The following CPXM2 variants were observed in gnomAD, a reference collection of about 807,000 sequenced individuals.
The protein encoded by CPXM2 is inactive carboxypeptidase-like protein X2.
Under a neutral mutation model 86.1 loss-of-function variants are expected in CPXM2, and 66 were observed. That is an observed-to-expected ratio of 0.77 (90% CI 0.63 to 0.94). The LOEUF (loss-of-function observed/expected upper bound fraction) is 0.94. Among genes scored for constraint, CPXM2 ranks in the 40% least tolerant of loss-of-function variants. CPXM2 has a pLI of 0.00. For synonymous variants in CPXM2, 388 were observed against 400.2 expected (o/e 0.97, Z 0.36); for missense variants, 948 against 1,026.3 (o/e 0.92, Z 1.04).
chr10:123,871,934 G>A (rs983841548), intron 2 of CPXM2, among the ~76,000 whole-genome samples: 1 of 152,144 alleles, frequency 6.6e-6, no homozygotes, highest in Non-Finnish European at 1.5e-5. Context: ...TCACAAATGA[G>A]GTTATCCTAA....
intron 8 of CPXM2, chr10:123,769,712 G>A (rs1564759830): frequency 6.6e-6 from 1 of 152,252 alleles, no homozygotes; most frequent in Non-Finnish European, 1.5e-5. Flanking sequence ...AGACAAGAAG[G>A]GGTCTTAAGA....
chr10:123,879,112 G>T (rs1376171550), intron 2 of CPXM2, among the ~76,000 whole-genome samples: 1 of 152,206 alleles, frequency 6.6e-6, no homozygotes, highest in Admixed American at 6.5e-5. Context: ...ACCACAGAAG[G>T]TCACTGTTGT....
At chr10:123,822,536 G>A (rs574363544) in intron 4 of CPXM2, among the ~76,000 whole-genome samples, 1 of 152,126 alleles carries the variant, frequency 6.6e-6, no homozygotes, top group South Asian at 2.1e-4. Flanking sequence ...AATCGGGGGT[G>A]AGGGCTAGCT....
At chr10:123,900,156 C>T (rs2134259965) in intron 2 of CPXM2, among the ~76,000 whole-genome samples, 1 of 152,300 alleles carries the variant, frequency 6.6e-6, no homozygotes, top group Non-Finnish European at 1.5e-5. Context: ...ATTCTCCTGC[C>T]TCAGCTTCCC....
At chr10:123,879,553 T>A (rs1336581575) in intron 2 of CPXM2, among the ~76,000 whole-genome samples, 1 of 152,184 alleles carries the variant, frequency 6.6e-6, no homozygotes, top group East Asian at 1.9e-4. Flanking sequence ...GGCTACTACA[T>A]AAGTGCTTAA....
At chr10:123,825,699 AAAG>A (rs1848031109) in intron 4 of CPXM2, among the ~76,000 whole-genome samples, 1 of 152,188 alleles carries the variant, frequency 6.6e-6, no homozygotes, top group Non-Finnish European at 1.5e-5. Flanking sequence ...TTTGTTAAAA[AAAG>A]AGTTCTCTAT....
intron 3 of CPXM2, among the ~76,000 whole-genome samples, chr10:123,844,558 A>T (rs1848458574): frequency 6.6e-6 from 1 of 152,194 alleles, no homozygotes; most frequent in South Asian, 2.1e-4. Flanking sequence ...TCTAAGGTCA[A>T]TCTAAGAGGA....
intron 9 of CPXM2, among the ~76,000 whole-genome samples, chr10:123,768,113 C>G (rs1213200418): frequency 1.3e-5 from 2 of 152,154 alleles, no homozygotes; most frequent in Non-Finnish European, 2.9e-5. Flanking sequence ...TGTGGCCAGG[C>G]ACGGTGGCTT....
At chr10:123,880,572 G>A (rs1269587490) in intron 1 of CPXM2, among the ~76,000 whole-genome samples, 1 of 152,128 alleles carries the variant, frequency 6.6e-6, no homozygotes, top group Non-Finnish European at 1.5e-5. Context: ...GATCACACCT[G>A]TAATCCCAGC....
intron 4 of CPXM2, among the ~76,000 whole-genome samples, chr10:123,818,872 A>C (rs1360281941): frequency 6.6e-6 from 1 of 152,190 alleles, no homozygotes; most frequent in Non-Finnish European, 1.5e-5. Context: ...TCCCATAGCC[A>C]GGATTCACAG....
At chr10:123,857,411 A>G (rs748975871) in intron 3 of CPXM2, among the ~76,000 whole-genome samples, 1 of 152,050 alleles carries the variant, frequency 6.6e-6, no homozygotes, top group Non-Finnish European at 1.5e-5. Flanking sequence ...AAGACTGAAA[A>G]AAATTAATTT....
chr10:123,820,040 C>T (rs1590035845), intron 4 of CPXM2, among the ~76,000 whole-genome samples: 1 of 152,192 alleles, frequency 6.6e-6, no homozygotes, highest in South Asian at 2.1e-4. Context: ...CATCTTTCTC[C>T]TGTGCTGGAT....
intron 13 of CPXM2, chr10:123,751,413 A>G (rs1846073418): frequency 4.5e-6 from 3 of 670,982 alleles, no homozygotes; most frequent in Non-Finnish European, 5.5e-6. Context: ...GCCCTTCCGA[A>G]GTTTTGCAAA....
At chr10:123,918,977 C>G (rs936698277) in intron 2 of CPXM2, among the ~76,000 whole-genome samples, 5 of 152,124 alleles carry the variant, frequency 3.3e-5, no homozygotes, top group Admixed American at 6.6e-5. Context: ...AAGGGGGCCA[C>G]TGGGAGCTGG....
intron 10 of CPXM2, among the ~76,000 whole-genome samples, chr10:123,762,606 G>A (rs757487601): frequency 2.0e-5 from 3 of 152,194 alleles, no homozygotes; most frequent in African/African-American, 4.8e-5. Context: ...AGAGAGGAAA[G>A]ATGTGGATGA....
At chr10:123,892,388 C>T (rs2134252596), upstream of CPXM2, among the ~76,000 whole-genome samples, 1 of 152,256 alleles carries the variant, frequency 6.6e-6, no homozygotes, top group East Asian at 1.9e-4. Flanking sequence ...GACGTTACCC[C>T]AAGGTGGCCA....
intron 4 of CPXM2, among the ~76,000 whole-genome samples, chr10:123,809,004 AT>A (rs35135566): frequency 0.22 from 32,728 of 152,004 alleles, 4,121 homozygotes; most frequent in East Asian, 0.43. Context: ...CAAGTTTTAA[AT>A]TGCACCATTT....
rs112027854 is a variant in CPXM2, at chr10:123,891,634, G to A, written c.26C>T (p.Pro9Leu). Residue 9 changes from proline (P) to leucine (L), a missense_variant, in exon 1 of 14, where the codon CCA becomes CTA. Pro to Leu is a moderately conservative substitution (Grantham distance 98, BLOSUM62 -3). Transcript: ENST00000241305. This position sits in a 1 kb window ranked among gnomAD's most constrained non-coding sequence, Gnocchi z 5.6. ...TGCCAGGAGCACCAGGGCCAGCGCT[G>A]GGGTAGCGGTCCCCGGGCGGGACAT... is the stretch of plus-strand genomic sequence containing the variant. MSRPGTAT[P>L]ALALVLLAVT... The A allele has an allele frequency of 4.7e-3, 6,853 of 1,460,572 alleles. 239 individuals carry two copies. The African/African-American group carries it at 0.084, about 18-fold the overall frequency. 90.5% of individuals were successfully genotyped at this position (1,460,572 alleles called of 1,614,324 possible).
chr10:123,763,547 TAA>T (rs59727685), intron 10 of CPXM2, among the ~76,000 whole-genome samples: 3 of 145,424 alleles, frequency 2.1e-5, no homozygotes, highest in Non-Finnish European at 3.0e-5. Flanking sequence ...GCTTTTGATC[TAA>T]AAAAAAAAAG....
Sources: allele counts gnomAD v4.1 joint callset (sites outside exome capture counted in the v4.1 genomes callset), GRCh38; gene constraint gnomAD v4.1.1; non-coding constraint Gnocchi (gnomAD v3.1); transcripts MANE v1.5; gene names NCBI Gene and HGNC (gene_info 2026-07-23, HGNC 2026-07-21).